Variants in SF3B3 observed in about 807,000 individuals in gnomAD.
The protein encoded by SF3B3 is SAP 130.
SF3B3 carries 33 observed loss-of-function variants against 139.2 expected under a neutral mutation model. The ratio of observed to expected loss-of-function variants is 0.24; its 90% CI spans 0.18 to 0.32. The LOEUF (loss-of-function observed/expected upper bound fraction) is 0.32. SF3B3 is among the 10% of genes least tolerant of loss of function. The probability of loss-of-function intolerance (pLI) is 1.00; values close to 1 mark genes in which losing one functional copy is unlikely to be tolerated. For missense variants in SF3B3, 818 were observed against 1,509.4 expected (o/e 0.54, Z 7.59); for synonymous variants, 596 against 563.6 (o/e 1.06, Z -0.81).
chr16:70,571,866 C>T lies in SF3B3; in HGVS notation c.*53C>T. ...GAGACTGTGTGTTTTGTTTCCCCCA[C>T]CACCATCACTGCCACCTGGCTTCTG... On this transcript the variant is annotated 3_prime_UTR_variant, in exon 26 of 26. Coordinates refer to ENST00000302516, the MANE Select transcript of SF3B3 (RefSeq NM_012426.5). The T allele has an allele frequency of 1.3e-6, 2 of 1,561,136 alleles. No homozygotes were observed. Among genetic ancestry groups the T allele is most frequent in the Non-Finnish European group, 8.7e-7 (1 of 1,154,874 alleles).
At chr16:70,538,224 C>T in intron 6 of SF3B3, 99 bp from the exon 7 acceptor site, 1 of 1,065,200 alleles carries the variant, frequency 9.4e-7, no homozygotes. Flanking sequence ...TGCCTTTAGG[C>T]CTTTAATGTC....
In SF3B3 at chr16:70,538,325, T is replaced by C. The variant is rs768081843; in HGVS notation, c.828T>C (p.Asn276=). 3 of 1,613,608 alleles carry C rather than the reference T, an allele frequency of 1.9e-6. No homozygotes were observed. In the East Asian group the frequency reaches 6.7e-5, roughly 36 times the overall value. The change falls in exon 7 of 26, where the codon AAT becomes AAC. Residue 276 remains asparagine, a splice_region_variant and synonymous_variant. Coordinates refer to ENST00000302516, the MANE Select transcript of SF3B3 (RefSeq NM_012426.5). ...GATTGTGTTTTTGACTTTGCTAGAA[T>C]GACCTGGATGACCCTGAAAGAGGAA... is the stretch of plus-strand genomic sequence containing the variant. ...DIRCPIPRRR[N]DLDDPERGMI...
chr16:70,531,704 C>G (rs773510285), intron 4 of SF3B3, among the ~76,000 whole-genome samples: 8 of 152,210 alleles, frequency 5.3e-5, no homozygotes, highest in Non-Finnish European at 1.2e-4. Flanking sequence ...TAAGTAATCT[C>G]CCTATGGAAA....
At position 70,526,740 on chromosome 16, in the gene SF3B3, T is replaced by G. The variant is rs769486879; in HGVS notation, c.70+14T>G. 1.3e-6 allele frequency: 2 copies of G among 1,586,524 alleles called. No homozygotes were observed. Among genetic ancestry groups the G allele is most frequent in the Non-Finnish European group, 1.7e-6 (2 of 1,155,310 alleles). Reference sequence around the variant, plus strand: ...GAAACTTTTCTGGTAAGTTCTCTCGTTACCATCTTTTGAAATTTTAAGTGA... The same window carrying G: ...GAAACTTTTCTGGTAAGTTCTCTCGGTACCATCTTTTGAAATTTTAAGTGA... On this transcript the variant is annotated intron_variant, in intron 2 of 25. Coordinates refer to ENST00000302516, the MANE Select transcript of SF3B3 (RefSeq NM_012426.5).
chr16:70,559,075 C>G (rs1319168380), intron 15 of SF3B3, among the ~76,000 whole-genome samples: 1 of 152,092 alleles, frequency 6.6e-6, no homozygotes, highest in Non-Finnish European at 1.5e-5. Context: ...TCTGGTTGTC[C>G]CACTCACAGT....
At chr16:70,555,501 G>GC (rs1289437086) in intron 13 of SF3B3, among the ~76,000 whole-genome samples, 3 of 122,596 alleles carry the variant, frequency 2.4e-5, no homozygotes, top group Non-Finnish European at 5.2e-5. Context: ...AAAAAAAAAA[G>GC]CGAGCTGGAG....
chr16:70,543,281 A>G (rs760120063), intron 9 of SF3B3, among the ~76,000 whole-genome samples: 1 of 151,924 alleles, frequency 6.6e-6, no homozygotes, highest in African/African-American at 2.4e-5. Context: ...ATGGTGGCGC[A>G]TGCCTGTAAT....
intron 9 of SF3B3, among the ~76,000 whole-genome samples, chr16:70,544,192 C>T (rs1597713474): frequency 6.6e-6 from 1 of 152,162 alleles, no homozygotes; most frequent in East Asian, 1.9e-4. Flanking sequence ...TGGCTGTATA[C>T]CCTCAGTACT....
At chr16:70,528,776 C>T in intron 2 of SF3B3, 97 bp from the exon 3 acceptor site, 1 of 824,572 alleles carries the variant, frequency 1.2e-6, no homozygotes, top group South Asian at 1.7e-5. Flanking sequence ...TGCCACCACG[C>T]CTGGCTAATT....
At chr16:70,545,844 C>T (rs546057000) in intron 10 of SF3B3, among the ~76,000 whole-genome samples, 73 of 152,150 alleles carry the variant, frequency 4.8e-4, no homozygotes, top group Middle Eastern at 6.8e-3. Flanking sequence ...ATGAAGTGTT[C>T]GATAAATGTT....
chr16:70,555,040 A>G lies in SF3B3; in HGVS notation c.1555-11A>G, dbSNP rs547080433. On this transcript the variant is annotated splice_polypyrimidine_tract_variant and intron_variant, in intron 12 of 25. Transcript: ENST00000302516. ...TGTTAAAGTCAGGTTTCTTTCTGTT[A>G]CTGACTCTAGGTCTATCCAGATGGC... The G allele has an allele frequency of 1.9e-6, 3 of 1,611,686 alleles. No homozygotes were observed. Among genetic ancestry groups the G allele is most frequent in the African/African-American group, 2.7e-5 (2 of 74,916 alleles).
chr16:70,571,856 G>T lies in SF3B3; in HGVS notation c.*43G>T, dbSNP rs752380128. Reference sequence around the variant, plus strand: ...GGGCTTGCCAGAGACTGTGTGTTTTGTTTCCCCCACCACCATCACTGCCAC... The same window carrying T: ...GGGCTTGCCAGAGACTGTGTGTTTTTTTTCCCCCACCACCATCACTGCCAC... On this transcript the variant is annotated 3_prime_UTR_variant, in exon 26 of 26. Coordinates refer to ENST00000302516, the MANE Select transcript of SF3B3 (RefSeq NM_012426.5). 2 of 1,574,914 alleles carry T rather than the reference G, an allele frequency of 1.3e-6. No homozygotes were observed. The highest frequency in any genetic ancestry group is 3.9e-5 in the Admixed American group (2 of 51,616).
chr16:70,529,723 A>T, intron 3 of SF3B3: 1 of 152,956 alleles, frequency 6.5e-6, no homozygotes, highest in Non-Finnish European at 1.5e-5. Context: ...GATATTTAAG[A>T]CCTGTATTAG....
At chr16:70,569,238 A>C in intron 23 of SF3B3, 97 bp downstream of exon 23, 1 of 807,290 alleles carries the variant, frequency 1.2e-6, no homozygotes, top group Admixed American at 2.3e-5. Context: ...TTCATAGTGC[A>C]CACGACTGTG....
chr16:70,571,619 A>T, intron 25 of SF3B3, 54 bp from the exon 26 acceptor site: 1 of 1,576,144 alleles, frequency 6.3e-7, no homozygotes, highest in Middle Eastern at 1.7e-4. Context: ...AGCATGTGCC[A>T]TTTTCTTTGG....
intron 18 of SF3B3, 39 bp from the exon 19 acceptor site, chr16:70,565,026 T>G (rs1490150348): frequency 1.2e-6 from 2 of 1,602,862 alleles, no homozygotes; most frequent in Non-Finnish European, 1.7e-6. Flanking sequence ...CCCCTACCTC[T>G]GAGCACGCCA....
chr16:70,567,911 C>T (rs1358505414), intron 21 of SF3B3, among the ~76,000 whole-genome samples: 1 of 152,180 alleles, frequency 6.6e-6, no homozygotes, highest in African/African-American at 2.4e-5. Context: ...AGTCTCTTAA[C>T]TCCTGATCTC....
Position 70,575,187 on chromosome 16 carries a change from CTTTTTTTTCTTTTTTTTTT to C in SF3B3, c.*3383_*3401del, listed in dbSNP as rs1310335745. ...TTCTCTTTTTTTTCTTTTTCTTTTT[CTTTTTTTTCTTTTTTTTTT>C]TTTTTTTTTTGAGATGAAGTCTTAC... On this transcript the variant is annotated 3_prime_UTR_variant, in exon 26 of 26. Coordinates refer to ENST00000302516, the MANE Select transcript of SF3B3 (RefSeq NM_012426.5). The C allele has an allele frequency of 1.5e-5, 2 of 130,122 alleles. No individual in the cohort carries two copies. Among genetic ancestry groups the C allele is most frequent in the South Asian group, 5.0e-4 (2 of 3,992 alleles). The allele number at this position is 130,122 out of a possible 1,614,324, so 8.1% of individuals were successfully genotyped here.
chr16:70,574,130 G>A lies in SF3B3; in HGVS notation c.*2317G>A, dbSNP rs988687148. On this transcript the variant is annotated 3_prime_UTR_variant, in exon 26 of 26. Coordinates refer to ENST00000302516, the MANE Select transcript of SF3B3 (RefSeq NM_012426.5). Reference sequence around the variant, plus strand: ...AGGAAAGCCAGAAAGGCATTCAGATGGGATCAGTCTGGCTTTCAAATTTTT... The same window carrying A: ...AGGAAAGCCAGAAAGGCATTCAGATAGGATCAGTCTGGCTTTCAAATTTTT... 2 of 152,156 alleles carry A rather than the reference G, an allele frequency of 1.3e-5. No individual in the cohort carries two copies. Among genetic ancestry groups the A allele is most frequent in the African/African-American group, 4.8e-5 (2 of 41,456 alleles). The allele number at this position is 152,156 out of a possible 1,614,324, so 9.4% of individuals were successfully genotyped here.
Sources: gnomAD v4.1 joint callset for allele counts (sites outside exome capture counted in the v4.1 genomes callset) on GRCh38, gnomAD v4.1.1 for gene constraint, MANE v1.5 for transcripts, NCBI Gene and HGNC (gene_info 2026-07-23, HGNC 2026-07-21) for gene names.